The following KIF16B variants were observed in gnomAD, a reference collection of about 807,000 sequenced individuals.
The protein encoded by KIF16B is kinesin family member 16B.
A neutral mutation model predicts 156.3 loss-of-function variants in KIF16B; 98 were observed. The observed-to-expected ratio is 0.63, with a 90% CI of 0.53 to 0.74. KIF16B has a LOEUF of 0.74. KIF16B is among the 30% of genes least tolerant of loss of function. The probability of loss-of-function intolerance (pLI) is 0.00; values close to 1 mark genes in which losing one functional copy is unlikely to be tolerated. For synonymous variants in KIF16B, 564 were observed against 583.7 expected (o/e 0.97, Z 0.49); for missense variants, 1,421 against 1,606.5 (o/e 0.88, Z 1.97).
At chr20:16,524,536 G>A (rs571297630) in intron 3 of KIF16B, among the ~76,000 whole-genome samples, 2 of 152,238 alleles carry the variant, frequency 1.3e-5, no homozygotes, top group Non-Finnish European at 2.9e-5. Flanking sequence ...ACAGATGATA[G>A]AGAGGATGTG....
chr20:16,440,578 CACACACAG>C (rs2066771928), intron 12 of KIF16B, among the ~76,000 whole-genome samples: 2 of 123,320 alleles, frequency 1.6e-5, no homozygotes, highest in South Asian at 2.8e-4. Context: ...CACACACACA[CACACACAG>C]GTACACATTT....
At chr20:16,456,147 C>CAATAA (rs1568555179) in intron 12 of KIF16B, among the ~76,000 whole-genome samples, 1 of 150,920 alleles carries the variant, frequency 6.6e-6, no homozygotes, top group Non-Finnish European at 1.5e-5. Context: ...CAATACAATA[C>CAATAA]AATACAATAC....
At chr20:16,441,929 T>A (rs147321093) in intron 12 of KIF16B, among the ~76,000 whole-genome samples, 2 of 152,194 alleles carry the variant, frequency 1.3e-5, no homozygotes, top group African/African-American at 4.8e-5. Context: ...TAAGTCTATA[T>A]CTGTATTATA....
chr20:16,501,587 C>T (rs573858579), intron 10 of KIF16B, among the ~76,000 whole-genome samples: 1 of 152,002 alleles, frequency 6.6e-6, no homozygotes. Flanking sequence ...AAATAGGAAA[C>T]CCCTCAAATG....
At chr20:16,371,004 A>C (rs1434859357) in intron 21 of KIF16B, among the ~76,000 whole-genome samples, 1 of 152,236 alleles carries the variant, frequency 6.6e-6, no homozygotes, top group Non-Finnish European at 1.5e-5. Flanking sequence ...GATAATTTAC[A>C]AAATAAATAA....
intron 12 of KIF16B, among the ~76,000 whole-genome samples, chr20:16,442,938 C>T (rs143526785): frequency 3.3e-3 from 510 of 152,310 alleles, no homozygotes; most frequent in African/African-American, 0.011. Context: ...TGGCAAGGCA[C>T]GCTGGTGAGT....
At chr20:16,518,355 G>A (rs1476969845) in intron 3 of KIF16B, among the ~76,000 whole-genome samples, 1 of 152,130 alleles carries the variant, frequency 6.6e-6, no homozygotes, top group African/African-American at 2.4e-5. Flanking sequence ...GCTCTTCCCC[G>A]CTGGCATCAG....
intron 22 of KIF16B, chr20:16,369,312 T>A: frequency 2.0e-6 from 2 of 983,732 alleles, no homozygotes; most frequent in Non-Finnish European, 2.4e-6. Context: ...GTGGTATCTC[T>A]TTCTGTGATT....
chr20:16,438,294 T>C (rs775895494), intron 12 of KIF16B, among the ~76,000 whole-genome samples: 52 of 152,196 alleles, frequency 3.4e-4, no homozygotes, highest in Admixed American at 2.6e-3. Flanking sequence ...CGGTTTCAGT[T>C]ACCCAATGTC....
rs773975721 is a variant in KIF16B at position 16,371,680 on chromosome 20, A to T, written c.3432T>A (p.Ser1144=). 2 of 1,611,832 alleles carry T rather than the reference A, an allele frequency of 1.2e-6. No homozygotes were observed. Among genetic ancestry groups the T allele is most frequent in the Non-Finnish European group, 1.7e-6 (2 of 1,178,090 alleles). ...HRVISEGCST[S]ADTMKDNEKL... The stretch of plus-strand genomic sequence containing the variant: ...TTCAGCTTACCTTCATCGTGTCTGC[A>T]GATGTACTGCAGCCTTCACTAATCA... Residue 1144 remains serine (S), a synonymous_variant, in exon 21 of 26, where the codon TCT becomes TCA. Coordinates refer to ENST00000354981, the MANE Select transcript of KIF16B (RefSeq NM_024704.5).
chr20:16,309,504 A>C (rs1274388647), intron 25 of KIF16B, among the ~76,000 whole-genome samples: 3 of 152,226 alleles, frequency 2.0e-5, no homozygotes, highest in Non-Finnish European at 4.4e-5. Flanking sequence ...ATTTCTAAAA[A>C]TAAATATTTT....
chr20:16,503,964 T>C (rs1252755052), intron 10 of KIF16B, among the ~76,000 whole-genome samples: 1 of 152,184 alleles, frequency 6.6e-6, no homozygotes, highest in African/African-American at 2.4e-5. Flanking sequence ...GACACAGGCA[T>C]TCAGAAAGGT....
At chr20:16,466,462 TG>T (rs1329051017) in intron 12 of KIF16B, among the ~76,000 whole-genome samples, 1 of 152,224 alleles carries the variant, frequency 6.6e-6, no homozygotes, top group Non-Finnish European at 1.5e-5. Flanking sequence ...GGGAGGTAAC[TG>T]AATCACAAGG....
intron 12 of KIF16B, among the ~76,000 whole-genome samples, chr20:16,493,668 G>C (rs1378569202): frequency 6.6e-6 from 1 of 152,160 alleles, no homozygotes; most frequent in Non-Finnish European, 1.5e-5. Flanking sequence ...CTCAACAGAT[G>C]ACAGAGGTTG....
Position 16,500,025 on chromosome 20 carries a change from C to T in KIF16B, c.1177-2347G>A, listed in dbSNP as rs373351711. Among the ~76,000 whole-genome samples, 8 of 152,098 alleles carry T rather than the reference C, an allele frequency of 5.3e-5. No homozygotes were observed. In the East Asian group the frequency reaches 7.7e-4, roughly 15 times the overall value. Reference sequence around the variant, plus strand: ...ATAGCAGTTCTACTAACAACTTATACAAGCACCCCTTGCCTCACACCCTCA... The same window carrying T: ...ATAGCAGTTCTACTAACAACTTATATAAGCACCCCTTGCCTCACACCCTCA... On this transcript the variant is annotated intron_variant, in intron 10 of 25. Transcript: ENST00000354981.
chr20:16,430,271 T>C (rs1253289306), intron 12 of KIF16B, among the ~76,000 whole-genome samples: 1 of 152,126 alleles, frequency 6.6e-6, no homozygotes, highest in Non-Finnish European at 1.5e-5. Context: ...AACTACAAAG[T>C]AAACTTTCTC....
At chr20:16,377,998 T>C (rs972942841) in intron 19 of KIF16B, among the ~76,000 whole-genome samples, 4 of 152,226 alleles carry the variant, frequency 2.6e-5, no homozygotes, top group African/African-American at 7.2e-5. Context: ...TTCAGAATTA[T>C]CTGGAGTTTT....
At chr20:16,300,028 T>C (rs2063448852) in intron 25 of KIF16B, among the ~76,000 whole-genome samples, 1 of 152,204 alleles carries the variant, frequency 6.6e-6, no homozygotes, top group Non-Finnish European at 1.5e-5. Flanking sequence ...AAAGGATCTT[T>C]ACAACTGTTT....
chr20:16,430,708 C>T (rs992564863), intron 12 of KIF16B, among the ~76,000 whole-genome samples: 1 of 151,984 alleles, frequency 6.6e-6, no homozygotes, highest in Non-Finnish European at 1.5e-5. Context: ...ACTGACTCTC[C>T]TGATGGTCTC....
Sources: gnomAD v4.1 joint callset for allele counts (sites outside exome capture counted in the v4.1 genomes callset) on GRCh38, gnomAD v4.1.1 for gene constraint, MANE v1.5 for transcripts, NCBI Gene and HGNC (gene_info 2026-07-23, HGNC 2026-07-21) for gene names.